The following DCDC2 variants were observed in gnomAD, a reference collection of about 807,000 sequenced individuals.
DCDC2 encodes the protein doublecortin domain-containing protein 2.
A neutral mutation model predicts 50.2 loss-of-function variants in DCDC2; 40 were observed. That is an observed-to-expected ratio of 0.80 (90% CI 0.62 to 1.04). DCDC2 has a LOEUF of 1.04. Ranked by LOEUF, DCDC2 falls within the 50% of genes least tolerant of loss-of-function variation. DCDC2 has a pLI of 0.00. For synonymous variants in DCDC2, 234 were observed against 210.6 expected (o/e 1.11, Z -0.96); for missense variants, 570 against 581.9 (o/e 0.98, Z 0.21).
At chr6:24,336,927 A>G (rs1185407089) in intron 2 of DCDC2, among the ~76,000 whole-genome samples, 11 of 152,172 alleles carry the variant, frequency 7.2e-5, no homozygotes, top group Non-Finnish European at 1.5e-5. Context: ...AATAATTTTT[A>G]AAAGATAGTA....
chr6:24,359,948 C>A (rs1308724526), upstream of DCDC2, among the ~76,000 whole-genome samples: 2 of 152,186 alleles, frequency 1.3e-5, no homozygotes, highest in Non-Finnish European at 2.9e-5. Flanking sequence ...AGGTGCCCTC[C>A]GCCGTAGTAC....
At chr6:24,364,944 AG>A in the DCDC2 span, among the ~76,000 whole-genome samples, 2 of 152,206 alleles carry the variant, frequency 1.3e-5, no homozygotes, top group Non-Finnish European at 2.9e-5. Context: ...TTCCTTAAAA[AG>A]TGTCACCTTT....
chr6:24,379,274 T>G, the DCDC2 span, among the ~76,000 whole-genome samples: 132 of 152,182 alleles, frequency 8.7e-4, no homozygotes, highest in African/African-American at 2.9e-3. Flanking sequence ...GCGAGAAAAT[T>G]TTTGCAATCT....
chr6:24,275,860 A>T (rs1474243401), intron 7 of DCDC2, among the ~76,000 whole-genome samples: 2 of 120,874 alleles, frequency 1.7e-5, no homozygotes, highest in African/African-American at 3.0e-5. Flanking sequence ...AAATGCCAAT[A>T]ATTCAATTTT....
At chr6:24,371,679 G>A in the DCDC2 span, among the ~76,000 whole-genome samples, 14 of 152,276 alleles carry the variant, frequency 9.2e-5, no homozygotes, top group South Asian at 2.9e-3. Flanking sequence ...CCATCAGAGT[G>A]AACAGGCAAC....
intron 8 of DCDC2, among the ~76,000 whole-genome samples, chr6:24,191,393 T>C (rs987890978): frequency 8.5e-5 from 13 of 152,210 alleles, no homozygotes; most frequent in Admixed American, 1.3e-4. Context: ...GGTTACAGCC[T>C]CTAAGCTGCA....
At chr6:24,336,761 T>C (rs1292530566) in intron 2 of DCDC2, among the ~76,000 whole-genome samples, 1 of 151,984 alleles carries the variant, frequency 6.6e-6, no homozygotes, top group Non-Finnish European at 1.5e-5. Context: ...CTTCAAGAAG[T>C]AAACCCTGTC....
chr6:24,173,550 A>T lies in DCDC2; in HGVS notation c.*1180T>A, dbSNP rs1369761587. On this transcript the variant is annotated 3_prime_UTR_variant, in exon 10 of 10. Coordinates refer to ENST00000378454, the MANE Select transcript of DCDC2 (RefSeq NM_016356.5). ...TTAATTATGTTTTTATGTTTTCCCC[A>T]TACATACCTCACAAGGCAACTATAA... 3 of 152,170 alleles carry T rather than the reference A, an allele frequency of 2.0e-5. No homozygotes were observed. The highest frequency in any genetic ancestry group is 4.8e-5 in the African/African-American group (2 of 41,472). The allele number at this position is 152,170 out of a possible 1,614,324, so 9.4% of individuals were successfully genotyped here. A position where few individuals can be genotyped will look rare whatever the true frequency, so the allele number is the denominator to read the frequency against.
intron 7 of DCDC2, among the ~76,000 whole-genome samples, chr6:24,223,537 A>G (rs1762161739): frequency 6.6e-6 from 1 of 152,230 alleles, no homozygotes; most frequent in African/African-American, 2.4e-5. Flanking sequence ...AGGCCTTTGA[A>G]TTGCTGGAGG....
intron 8 of DCDC2, among the ~76,000 whole-genome samples, chr6:24,179,106 A>G (rs1350334506): frequency 6.6e-6 from 1 of 152,214 alleles, no homozygotes; most frequent in Non-Finnish European, 1.5e-5. Flanking sequence ...GGGCAATGGC[A>G]CCAGGCTGTG....
chr6:24,171,792 ACT>A lies in DCDC2; in HGVS notation c.*2936_*2937del, dbSNP rs1760785428. On this transcript the variant is annotated 3_prime_UTR_variant, in exon 10 of 10. Transcript: ENST00000378454. ...AAATCTTCTTTATTTGCTCTGTAAA[ACT>A]CTTAATGCCCCAATTTTACTAACAA... The A allele has an allele frequency of 6.6e-6, 1 of 152,088 alleles. No homozygotes were observed. Among genetic ancestry groups the A allele is most frequent in the South Asian group, 2.1e-4 (1 of 4,820 alleles). The allele number at this position is 152,088 out of a possible 1,614,324, so 9.4% of individuals were successfully genotyped here. A position where few individuals can be genotyped will look rare whatever the true frequency, so the allele number is the denominator to read the frequency against.
rs560183351 is a variant in DCDC2, at chr6:24,219,541, A to G, written c.923-14439T>C. Among the ~76,000 whole-genome samples, 67 of 152,332 alleles carry G rather than the reference A, an allele frequency of 4.4e-4. 2 individuals are homozygous for G. The highest frequency in any genetic ancestry group is 2.5e-3 in the South Asian group (12 of 4,818). ...TGACCCATTAGTAGATGGTAACATC[A>G]GTTTAACGGGGTGCAACTAGTGGGG... On this transcript the variant is annotated intron_variant, in intron 7 of 9. Coordinates refer to ENST00000378454, the MANE Select transcript of DCDC2 (RefSeq NM_016356.5).
chr6:24,268,302 C>G (rs1164390139), intron 7 of DCDC2, among the ~76,000 whole-genome samples: 2 of 152,138 alleles, frequency 1.3e-5, no homozygotes, highest in Admixed American at 1.3e-4. Context: ...GCCTAGCCAA[C>G]ATGGCGAAGT....
At chr6:24,195,703 G>T (rs1354211124) in intron 8 of DCDC2, among the ~76,000 whole-genome samples, 1 of 152,128 alleles carries the variant, frequency 6.6e-6, no homozygotes. Context: ...CACCAAAAGT[G>T]GTCCCAGAAA....
intron 4 of DCDC2, among the ~76,000 whole-genome samples, chr6:24,298,475 C>T (rs377405603): frequency 1.3e-5 from 2 of 152,314 alleles, no homozygotes; most frequent in East Asian, 1.9e-4. Context: ...GCCGGAATGC[C>T]TACTAGGCTT....
At chr6:24,312,063 C>T (rs1759580451) in intron 2 of DCDC2, among the ~76,000 whole-genome samples, 2 of 152,120 alleles carry the variant, frequency 1.3e-5, no homozygotes, top group African/African-American at 4.8e-5. Context: ...ACCAATTGAC[C>T]TTGTGACATT....
intron 8 of DCDC2, among the ~76,000 whole-genome samples, chr6:24,189,004 T>C (rs60102415): frequency 0.059 from 9,028 of 152,154 alleles, 833 homozygotes; most frequent in African/African-American, 0.2. Flanking sequence ...AAGACAGGAC[T>C]TCTACCTTTA....
intron 2 of DCDC2, among the ~76,000 whole-genome samples, chr6:24,312,322 A>G (rs989236200): frequency 1.3e-5 from 2 of 152,126 alleles, no homozygotes; most frequent in Non-Finnish European, 2.9e-5. Context: ...GACACGTAAC[A>G]CCTCAGTGGA....
the DCDC2 span, among the ~76,000 whole-genome samples, chr6:24,371,891 A>G: frequency 3.9e-5 from 6 of 152,384 alleles, 1 homozygote; most frequent in South Asian, 1.2e-3. Context: ...ATCACTGGCC[A>G]TCAGAGAAAC....
Sources: gnomAD v4.1 joint callset for allele counts (sites outside exome capture counted in the v4.1 genomes callset) on GRCh38, gnomAD v4.1.1 for gene constraint, MANE v1.5 for transcripts, NCBI Gene and HGNC (gene_info 2026-07-23, HGNC 2026-07-21) for gene names.